The following VPS13B variants were observed in gnomAD, a reference collection of about 807,000 sequenced individuals.
The protein encoded by VPS13B is vacuolar protein sorting 13 homolog B.
Under a neutral mutation model 426.4 loss-of-function variants are expected in VPS13B, and 285 were observed. The ratio of observed to expected loss-of-function variants is 0.67; its 90% CI spans 0.61 to 0.74. The LOEUF is 0.74. Ranked by LOEUF, VPS13B falls within the 30% of genes least tolerant of loss-of-function variation. The pLI is 0.00. For missense variants in VPS13B, 4,537 were observed against 4,782.6 expected, an observed-to-expected ratio of 0.95 and a Z score of 1.51; for synonymous variants, 1,676 against 1,676.4, an observed-to-expected ratio of 1.00 and a Z score of 0.01.
chr8:99,275,231 A>T lies in VPS13B; in HGVS notation c.2801A>T (p.Tyr934Phe). The T allele has an allele frequency of 6.2e-7, 1 of 1,609,080 alleles. No homozygotes were observed. Among genetic ancestry groups the T allele is most frequent in the Non-Finnish European group, 8.5e-7 (1 of 1,178,506 alleles). The stretch of plus-strand genomic sequence containing the variant: ...GCCTTCACAATCCAAGTTCCACAAT[A>T]TATTGACTACTGCCACAATTCCGGT... The part of the protein sequence containing the change: ...LMAFTIQVPQ[Y>F]IDYCHNSGAV... Residue 934 changes from tyrosine to phenylalanine, a missense_variant, in exon 19 of 62, where the codon TAT becomes TTT. Physicochemically the swap from Tyr to Phe is conservative, Grantham distance 22 (BLOSUM62 3). Transcript: ENST00000357162.
chr8:99,350,878 G>A (rs1451248719), intron 19 of VPS13B, among the ~76,000 whole-genome samples: 2 of 151,730 alleles, frequency 1.3e-5, no homozygotes, highest in Non-Finnish European at 2.9e-5. Flanking sequence ...ATAATATGTA[G>A]TATGAATCAG....
At chr8:99,180,695 G>A (rs773273572) in intron 16 of VPS13B, among the ~76,000 whole-genome samples, 2 of 152,140 alleles carry the variant, frequency 1.3e-5, no homozygotes, top group Non-Finnish European at 2.9e-5. Flanking sequence ...AGGTCTCAAG[G>A]TAGAAATAGA....
intron 19 of VPS13B, among the ~76,000 whole-genome samples, chr8:99,287,280 A>G (rs1184244722): frequency 3.9e-4 from 47 of 121,530 alleles, no homozygotes; most frequent in South Asian, 2.6e-4. Context: ...CTATCTATCT[A>G]TCTATCTCTC....
intron 19 of VPS13B, among the ~76,000 whole-genome samples, chr8:99,276,177 A>G (rs890272601): frequency 4.6e-5 from 7 of 152,174 alleles, no homozygotes; most frequent in African/African-American, 1.4e-4. Flanking sequence ...TGCACAAATG[A>G]ATATATACAG....
chr8:99,338,473 A>G (rs1811054726), intron 19 of VPS13B, among the ~76,000 whole-genome samples: 1 of 152,066 alleles, frequency 6.6e-6, no homozygotes, highest in Admixed American at 6.5e-5. Flanking sequence ...TTTATATTTC[A>G]AAATTTATAT....
chr8:99,670,782 G>A (rs1433663947), intron 35 of VPS13B, among the ~76,000 whole-genome samples: 3 of 151,984 alleles, frequency 2.0e-5, no homozygotes, highest in Non-Finnish European at 4.4e-5. Context: ...ATATCTTCAA[G>A]TTCATCCATG....
intron 39 of VPS13B, 148 bp from the exon 40 acceptor site, chr8:99,766,626 A>G: frequency 1.4e-6 from 1 of 704,778 alleles, no homozygotes; most frequent in East Asian, 2.8e-5. Context: ...TAATATGAAA[A>G]GAAATCCTAA....
intron 2 of VPS13B, among the ~76,000 whole-genome samples, chr8:99,029,183 G>C (rs1225401839): frequency 1.3e-5 from 2 of 150,256 alleles, no homozygotes; most frequent in African/African-American, 4.9e-5. Context: ...GACGATGGGC[G>C]GCCGGGCAGA....
intron 17 of VPS13B, among the ~76,000 whole-genome samples, chr8:99,252,074 T>A (rs1157409172): frequency 6.6e-6 from 1 of 151,710 alleles, no homozygotes; most frequent in African/African-American, 2.4e-5. Context: ...TAAATTTTGT[T>A]GATTTCTGCT....
chr8:99,683,493 A>G (rs1831242557), intron 35 of VPS13B, among the ~76,000 whole-genome samples: 1 of 152,096 alleles, frequency 6.6e-6, no homozygotes, highest in Non-Finnish European at 1.5e-5. Flanking sequence ...TGTGTATGGT[A>G]TGTCTCTCTA....
At chr8:99,115,625 T>C in intron 6 of VPS13B, 75 bp from the exon 7 acceptor site, 1 of 1,465,734 alleles carries the variant, frequency 6.8e-7, no homozygotes. Context: ...TTAAAGACTT[T>C]AAAACATTTC....
intron 20 of VPS13B, among the ~76,000 whole-genome samples, chr8:99,386,468 G>A (rs1206885230): frequency 6.6e-6 from 1 of 152,066 alleles, no homozygotes; most frequent in East Asian, 1.9e-4. Context: ...ATAGCCTATT[G>A]CTCCTAGGGT....
chr8:99,350,814 AT>A, intron 19 of VPS13B, among the ~76,000 whole-genome samples: 1 of 151,626 alleles, frequency 6.6e-6, no homozygotes, highest in Admixed American at 6.6e-5. Context: ...ATAATATGCA[AT>A]ATGAATTATA....
At chr8:99,060,883 A>T (rs985496708) in intron 3 of VPS13B, among the ~76,000 whole-genome samples, 19 of 152,260 alleles carry the variant, frequency 1.2e-4, no homozygotes, top group African/African-American at 4.6e-4. Context: ...TATTTTAAGT[A>T]AGAAGAAAAC....
At chr8:99,608,974 T>C (rs867163205) in intron 33 of VPS13B, among the ~76,000 whole-genome samples, 5 of 152,332 alleles carry the variant, frequency 3.3e-5, no homozygotes, top group Middle Eastern at 3.4e-3. Flanking sequence ...TGAACATTCA[T>C]GTGCATGTTT....
At chr8:99,320,610 C>A (rs1346798029) in intron 19 of VPS13B, among the ~76,000 whole-genome samples, 1 of 152,132 alleles carries the variant, frequency 6.6e-6, no homozygotes, top group Non-Finnish European at 1.5e-5. Flanking sequence ...TTAGAAGGGA[C>A]CCCTAGTTTT....
At chr8:99,452,302 C>T (rs936105557) in intron 23 of VPS13B, among the ~76,000 whole-genome samples, 1 of 152,166 alleles carries the variant, frequency 6.6e-6, no homozygotes, top group East Asian at 1.9e-4. Context: ...CAGGGCATTT[C>T]ATTTATCAGG....
chr8:99,788,830 C>G (rs1413110159), intron 43 of VPS13B, among the ~76,000 whole-genome samples: 1 of 152,124 alleles, frequency 6.6e-6, no homozygotes, highest in Non-Finnish European at 1.5e-5. Context: ...CTAAGTTTGC[C>G]AACACTTGCT....
intron 33 of VPS13B, among the ~76,000 whole-genome samples, chr8:99,626,808 A>G (rs1029862536): frequency 6.6e-6 from 1 of 152,236 alleles, no homozygotes; most frequent in Non-Finnish European, 1.5e-5. Flanking sequence ...TCAATATGCC[A>G]AAGAAATATC....
Sources: gnomAD v4.1 joint callset for allele counts (sites outside exome capture counted in the v4.1 genomes callset) on GRCh38, gnomAD v4.1.1 for gene constraint, MANE v1.5 for transcripts, NCBI Gene and HGNC (gene_info 2026-07-23, HGNC 2026-07-21) for gene names.